The following PLEKHB1 variants were observed in gnomAD, a reference collection of about 807,000 sequenced individuals.
PLEKHB1 encodes the protein pleckstrin homology domain-containing family B member 1.
Under a neutral mutation model 36.2 loss-of-function variants are expected in PLEKHB1, and 29 were observed. The ratio of observed to expected loss-of-function variants is 0.80; its 90% CI spans 0.60 to 1.09. PLEKHB1 has a LOEUF of 1.09. Among genes scored for constraint, PLEKHB1 ranks in the 50% least tolerant of loss-of-function variants. PLEKHB1 has a pLI of 0.00. For synonymous variants in PLEKHB1, 138 were observed against 140.0 expected (o/e 0.99, Z 0.10); for missense variants, 330 against 348.2 (o/e 0.95, Z 0.42).
chr11:73,647,540 C>T (rs1303651733), intron 1 of PLEKHB1: 1 of 985,352 alleles, frequency 1.0e-6, no homozygotes, highest in Non-Finnish European at 1.2e-6. Context: ...GTCAGCATCT[C>T]TTCACGTCAC....
At chr11:73,650,104 A>G (rs1482602081) in intron 2 of PLEKHB1, among the ~76,000 whole-genome samples, 1 of 151,946 alleles carries the variant, frequency 6.6e-6, no homozygotes, top group African/African-American at 2.4e-5. Context: ...TGTTCCAGCT[A>G]TTTGGGAGGC....
intron 5 of PLEKHB1, among the ~76,000 whole-genome samples, chr11:73,655,508 C>T (rs919593929): frequency 2.0e-5 from 3 of 152,148 alleles, no homozygotes; most frequent in African/African-American, 7.2e-5. Context: ...AGAAGGGAGT[C>T]GCCCTGTCCT....
In PLEKHB1 at chr11:73,661,040, G is replaced by C. The variant is rs1193598886; in HGVS notation, c.595+188G>C. On this transcript the variant is annotated intron_variant, in intron 7 of 7. Transcript: ENST00000354190. This position sits in a 1 kb window ranked among gnomAD's most constrained non-coding sequence, Gnocchi z 4.6. Reference sequence around the variant, plus strand: ...GAGCTCTGGAACCAGCGTTCGTCTCGAGCTGACCTCACCCTTCTGGGATGG... The same window carrying C: ...GAGCTCTGGAACCAGCGTTCGTCTCCAGCTGACCTCACCCTTCTGGGATGG... 2 of 644,318 alleles carry C rather than the reference G, an allele frequency of 3.1e-6. No individual in the cohort carries two copies. The highest frequency in any genetic ancestry group is 2.7e-5 in the Admixed American group (1 of 37,438). 39.9% of individuals were successfully genotyped at this position (644,318 alleles called of 1,614,324 possible).
intron 6 of PLEKHB1, 123 bp from the exon 7 acceptor site, chr11:73,660,630 C>T (rs889087307): frequency 2.3e-6 from 2 of 870,574 alleles, no homozygotes; most frequent in Non-Finnish European, 3.6e-6. Context: ...TGGCTGGAGG[C>T]CCATTTCTAA....
intron 6 of PLEKHB1, among the ~76,000 whole-genome samples, chr11:73,657,153 A>G (rs1053338809): frequency 6.6e-6 from 1 of 152,024 alleles, no homozygotes; most frequent in Non-Finnish European, 1.5e-5. Flanking sequence ...AAAAAAAAAA[A>G]TTGTCTCCTG....
At position 73,651,769 on chromosome 11, in the gene PLEKHB1, TATG is replaced by T; in HGVS notation, c.248-18_248-16del. ...GGGCTTGTGCCTGTGGAAACCCATA[TATG>T]TGTGTCTGCTTCCAGATGTGCAGCC... On this transcript the variant is annotated splice_polypyrimidine_tract_variant and intron_variant, in intron 3 of 7. Transcript: ENST00000354190. The T allele has an allele frequency of 6.2e-7, 1 of 1,605,340 alleles. No individual in the cohort carries two copies. The highest frequency in any genetic ancestry group is 8.5e-7 in the Non-Finnish European group (1 of 1,173,648).
chr11:73,648,625 C>A (rs1944818312), intron 1 of PLEKHB1: 55 of 1,001,920 alleles, frequency 5.5e-5, no homozygotes, highest in Non-Finnish European at 6.4e-5. Flanking sequence ...ACCGACTGAG[C>A]TAGTCAGGCA....
In PLEKHB1 at chr11:73,662,211, C is replaced by G. The variant is rs1256883712; in HGVS notation, c.*609C>G. 6.6e-6 allele frequency: 1 copy of G among 152,374 alleles called. No individual in the cohort carries two copies. The highest frequency in any genetic ancestry group is 1.5e-5 in the Non-Finnish European group (1 of 68,144). 9.4% of individuals were successfully genotyped at this position (152,374 alleles called of 1,614,324 possible). A position where few individuals can be genotyped will look rare whatever the true frequency, so the allele number is the denominator to read the frequency against. ...CGTGGTGGGCCTTCAAGCTAAGGAG[C>G]TTCCTAGGTGAAAGGGGAGATGTGA... On this transcript the variant is annotated 3_prime_UTR_variant, in exon 8 of 8. Transcript: ENST00000354190.
At chr11:73,649,349 C>A (rs1335103880) in intron 2 of PLEKHB1, among the ~76,000 whole-genome samples, 1 of 152,182 alleles carries the variant, frequency 6.6e-6, no homozygotes, top group Admixed American at 6.5e-5. Context: ...CCTGCTCCTG[C>A]AGTAGCGTCA....
chr11:73,660,657 C>T, intron 6 of PLEKHB1, 96 bp from the exon 7 acceptor site: 1 of 1,195,276 alleles, frequency 8.4e-7, no homozygotes, highest in Non-Finnish European at 1.2e-6. Flanking sequence ...GGAGGTGGCT[C>T]CATGGATCCC....
intron 5 of PLEKHB1, 40 bp from the exon 6 acceptor site, chr11:73,655,759 CCCCT>C (rs1944980445): frequency 1.3e-6 from 2 of 1,556,948 alleles, no homozygotes; most frequent in Non-Finnish European, 1.8e-6. Flanking sequence ...CCTCTGACAC[CCCCT>C]CCCTCCCTCC....
rs768012196 is a variant in PLEKHB1 at position 73,651,896 on chromosome 11, T to A, written c.350+6T>A. 8.1e-6 allele frequency: 13 copies of A among 1,612,122 alleles called. No homozygotes were observed. The South Asian group carries it at 1.4e-4, about 18-fold the overall frequency. ...GAGACCAAGGATGATGCCCTGTGAG[T>A]CACTCCCAGGAGAGGATGGGGTGGA... On this transcript the variant is annotated splice_donor_region_variant and intron_variant, in intron 4 of 7. Coordinates refer to ENST00000354190, the MANE Select transcript of PLEKHB1 (RefSeq NM_021200.3).
intron 1 of PLEKHB1, chr11:73,647,636 C>T (rs1944792912): frequency 2.0e-6 from 2 of 985,270 alleles, no homozygotes; most frequent in Non-Finnish European, 2.4e-6. Context: ...AGAAATGCCC[C>T]AGGCTCTCCG....
chr11:73,650,809 C>CA, intron 3 of PLEKHB1, 104 bp downstream of exon 3: 3 of 1,328,438 alleles, frequency 2.3e-6, no homozygotes, highest in Non-Finnish European at 3.0e-6. Flanking sequence ...CTTTCAGAGG[C>CA]ATTTCACAGA....
intron 4 of PLEKHB1, 60 bp downstream of exon 4, chr11:73,651,950 T>C: frequency 6.9e-7 from 1 of 1,456,326 alleles, no homozygotes; most frequent in East Asian, 2.3e-5. Flanking sequence ...ATGTGCCCCC[T>C]TCTCATTGGG....
At chr11:73,660,876 G>A (rs1945097581) in intron 7 of PLEKHB1, 24 bp downstream of exon 7, 1 of 1,559,720 alleles carries the variant, frequency 6.4e-7, no homozygotes, top group South Asian at 1.2e-5. Flanking sequence ...GTGCCCCGGG[G>A]CTTGCCTCGA....
Position 73,662,793 on chromosome 11 carries a change from T to A in PLEKHB1, c.*1191T>A, listed in dbSNP as rs1376988370. ...CCATTAGTTCTGCTGCCGAGACTAA[T>A]AAAGATTTGGTTGGCTCTAGCAGTA... On this transcript the variant is annotated 3_prime_UTR_variant, in exon 8 of 8. Coordinates refer to ENST00000354190, the MANE Select transcript of PLEKHB1 (RefSeq NM_021200.3). 1 of 152,242 alleles carries A rather than the reference T, an allele frequency of 6.6e-6. No individual in the cohort carries two copies. Among genetic ancestry groups the A allele is most frequent in the Admixed American group, 6.5e-5 (1 of 15,288 alleles). The allele number at this position is 152,242 out of a possible 1,614,324, so 9.4% of individuals were successfully genotyped here. A position where few individuals can be genotyped will look rare whatever the true frequency, so the allele number is the denominator to read the frequency against.
At chr11:73,654,811 C>T (rs533986214) in intron 5 of PLEKHB1, among the ~76,000 whole-genome samples, 35 of 152,258 alleles carry the variant, frequency 2.3e-4, no homozygotes, top group African/African-American at 7.5e-4. Context: ...CTGAGGTCAT[C>T]GGGGCCAGCT....
chr11:73,652,829 T>C lies in PLEKHB1; in HGVS notation c.351-146T>C, dbSNP rs1944921986. On this transcript the variant is annotated intron_variant, in intron 4 of 7. Coordinates refer to ENST00000354190, the MANE Select transcript of PLEKHB1 (RefSeq NM_021200.3). ...ACTGGGGCAGGGGAGGGGTCACTTT[T>C]GTCTTCCTGAGGGAGACAAGAGATC... 9 of 632,026 alleles carry C rather than the reference T, an allele frequency of 1.4e-5. No homozygotes were observed. The South Asian group carries it at 2.1e-4, about 15-fold the overall frequency. 39.2% of individuals were successfully genotyped at this position (632,026 alleles called of 1,614,324 possible).
Sources: allele counts gnomAD v4.1 joint callset (sites outside exome capture counted in the v4.1 genomes callset), GRCh38; gene constraint gnomAD v4.1.1; non-coding constraint Gnocchi (gnomAD v3.1); transcripts MANE v1.5; gene names NCBI Gene and HGNC (gene_info 2026-07-23, HGNC 2026-07-21).